The following EXOC4 variants were observed in gnomAD, a reference collection of about 807,000 sequenced individuals.
EXOC4 encodes exocyst complex component 4, also known as SEC8-like 1.
EXOC4 carries 71 observed loss-of-function variants against 107.2 expected under a neutral mutation model. That is an observed-to-expected ratio of 0.66 (90% CI 0.55 to 0.81). The LOEUF is 0.81. Among genes scored for constraint, EXOC4 ranks in the 30% least tolerant of loss-of-function variants. The pLI is 0.00. For missense variants in EXOC4, 1,108 were observed against 1,189.6 expected, an observed-to-expected ratio of 0.93 and a Z score of 1.01; for synonymous variants, 456 against 441.2, an observed-to-expected ratio of 1.03 and a Z score of -0.42.
At chr7:133,869,745 C>T (rs6955511) in intron 11 of EXOC4, among the ~76,000 whole-genome samples, 19,717 of 152,160 alleles carry the variant, frequency 0.13, 1,426 homozygotes, top group African/African-American at 0.16. Context: ...CACGAGGGAA[C>T]AGAAACACAG....
At chr7:133,675,244 G>C (rs968578457) in intron 10 of EXOC4, among the ~76,000 whole-genome samples, 2 of 152,032 alleles carry the variant, frequency 1.3e-5, no homozygotes, top group Non-Finnish European at 2.9e-5. Flanking sequence ...GACCCCAGCT[G>C]TCAGCTATCC....
intron 2 of EXOC4, among the ~76,000 whole-genome samples, chr7:133,284,402 A>G (rs1393685338): frequency 6.6e-6 from 1 of 152,282 alleles, no homozygotes; most frequent in African/African-American, 2.4e-5. Context: ...GTAGGATATC[A>G]GAAATCAGAT....
chr7:133,424,142 C>T (rs1797668569), intron 7 of EXOC4, among the ~76,000 whole-genome samples: 1 of 152,112 alleles, frequency 6.6e-6, no homozygotes, highest in Non-Finnish European at 1.5e-5. Context: ...AAAAGCAGGC[C>T]ACCCGAGCCA....
At chr7:133,643,533 T>C (rs1437722492) in intron 10 of EXOC4, among the ~76,000 whole-genome samples, 4 of 152,104 alleles carry the variant, frequency 2.6e-5, no homozygotes, top group Non-Finnish European at 5.9e-5. Flanking sequence ...AGTCCACCCC[T>C]TGTCAACTTG....
intron 11 of EXOC4, among the ~76,000 whole-genome samples, chr7:133,828,541 A>G (rs1010576754): frequency 3.9e-5 from 6 of 152,156 alleles, no homozygotes; most frequent in Non-Finnish European, 5.9e-5. Flanking sequence ...GAGAGAAACA[A>G]GACTATCTCA....
At chr7:133,279,403 A>T (rs1794078789) in intron 2 of EXOC4, among the ~76,000 whole-genome samples, 1 of 152,174 alleles carries the variant, frequency 6.6e-6, no homozygotes, top group South Asian at 2.1e-4. Context: ...TGTGGCTAAC[A>T]TCTTAAAAGG....
intron 2 of EXOC4, among the ~76,000 whole-genome samples, chr7:133,286,450 T>C (rs1563003026): frequency 6.6e-6 from 1 of 152,228 alleles, no homozygotes; most frequent in Non-Finnish European, 1.5e-5. Flanking sequence ...AGTAATTTTC[T>C]CTGTTTTGAT....
intron 12 of EXOC4, among the ~76,000 whole-genome samples, chr7:133,900,157 G>T (rs975583811): frequency 1.3e-5 from 2 of 152,102 alleles, no homozygotes; most frequent in African/African-American, 4.8e-5. Flanking sequence ...TGCTGTGAGG[G>T]TGTGTGGGGA....
Position 133,914,423 on chromosome 7 carries a change from G to C in EXOC4, c.1872-3160G>C, listed in dbSNP as rs139459931. ...GGGAGGGAGCTTTATCTGTGCAGAA[G>C]TTATGCAAAGAACTGTTTCATTCAT... On this transcript the variant is annotated intron_variant, in intron 12 of 17. Coordinates refer to ENST00000253861, the MANE Select transcript of EXOC4 (RefSeq NM_021807.4). 5.9e-3 allele frequency among the ~76,000 whole-genome samples: 903 copies of C among 152,184 alleles called. 6 individuals carry two copies. Among genetic ancestry groups the C allele is most frequent in the African/African-American group, 0.02 (850 of 41,520 alleles).
intron 7 of EXOC4, among the ~76,000 whole-genome samples, chr7:133,389,178 A>G (rs1796795319): frequency 6.6e-6 from 1 of 152,176 alleles, no homozygotes; most frequent in Non-Finnish European, 1.5e-5. Flanking sequence ...GCAGGAAGGA[A>G]AGGCTACAGT....
chr7:133,963,153 C>T (rs1800985054), intron 14 of EXOC4, among the ~76,000 whole-genome samples: 2 of 152,266 alleles, frequency 1.3e-5, no homozygotes, highest in Non-Finnish European at 2.9e-5. Flanking sequence ...TTGCTAATCA[C>T]TCACGGCAGT....
chr7:133,874,352 G>A (rs1003384648), intron 11 of EXOC4, among the ~76,000 whole-genome samples: 6 of 152,124 alleles, frequency 3.9e-5, no homozygotes, highest in African/African-American at 9.7e-5. Flanking sequence ...TGCTGGGTTC[G>A]CAACAACCAG....
intron 1 of EXOC4, among the ~76,000 whole-genome samples, chr7:133,263,880 C>T (rs1793646915): frequency 6.6e-6 from 1 of 152,088 alleles, no homozygotes; most frequent in South Asian, 2.1e-4. Flanking sequence ...GACACTTTAA[C>T]AATAACATAT....
chr7:133,517,733 A>G (rs1489662393), intron 9 of EXOC4, among the ~76,000 whole-genome samples: 3 of 152,144 alleles, frequency 2.0e-5, no homozygotes, highest in African/African-American at 7.2e-5. Context: ...AATACGTGGT[A>G]ATTAAGGGAG....
At chr7:133,814,866 T>G (rs940445861) in intron 10 of EXOC4, among the ~76,000 whole-genome samples, 15 of 152,124 alleles carry the variant, frequency 9.9e-5, no homozygotes, top group Admixed American at 9.8e-4. Flanking sequence ...AGTCATTTGG[T>G]TTTTTTTCTT....
At chr7:133,955,784 A>G (rs1479427755) in intron 14 of EXOC4, among the ~76,000 whole-genome samples, 1 of 152,226 alleles carries the variant, frequency 6.6e-6, no homozygotes, top group African/African-American at 2.4e-5. Flanking sequence ...CAAAGGCCAG[A>G]AGGGGCTGGC....
chr7:133,555,154 C>G (rs1800667537), intron 9 of EXOC4, among the ~76,000 whole-genome samples: 1 of 151,302 alleles, frequency 6.6e-6, no homozygotes, highest in Non-Finnish European at 1.5e-5. Flanking sequence ...TTTGTATAGA[C>G]CAAGACATCT....
chr7:133,913,130 A>G (rs903611686), intron 12 of EXOC4, among the ~76,000 whole-genome samples: 1 of 152,220 alleles, frequency 6.6e-6, no homozygotes, highest in Admixed American at 6.5e-5. Flanking sequence ...AATAGATCCC[A>G]TTTGGAAAAC....
intron 14 of EXOC4, among the ~76,000 whole-genome samples, chr7:133,970,454 G>A (rs901049902): frequency 1.3e-3 from 1 of 778 alleles, no homozygotes; most frequent in Admixed American, 0.016. Context: ...TTTTGTGCTT[G>A]AAACCCAGGG....
Sources: gnomAD v4.1 joint callset for allele counts (sites outside exome capture counted in the v4.1 genomes callset) on GRCh38, gnomAD v4.1.1 for gene constraint, MANE v1.5 for transcripts, NCBI Gene and HGNC (gene_info 2026-07-23, HGNC 2026-07-21) for gene names.